MEMO1: variants seen among roughly 807,000 people sequenced by gnomAD.
MEMO1 encodes mediator of cell motility 1, also known as protein MEMO1.
A neutral mutation model predicts 45.2 loss-of-function variants in MEMO1; 6 were observed. The observed-to-expected ratio is 0.13, with a 90% CI of 0.07 to 0.26. The LOEUF (loss-of-function observed/expected upper bound fraction) is 0.26, where lower values mean the gene tolerates loss of function less well. MEMO1 is among the 10% of genes least tolerant of loss of function. The pLI is 1.00. For synonymous variants in MEMO1, 78 were observed against 124.3 expected (o/e 0.63, Z 2.48); for missense variants, 184 against 370.5 (o/e 0.50, Z 4.13).
chr2:31,903,276 C>T (rs1679136891), intron 6 of MEMO1, among the ~76,000 whole-genome samples: 1 of 152,104 alleles, frequency 6.6e-6, no homozygotes, highest in Non-Finnish European at 1.5e-5. Context: ...GAGAATTAAA[C>T]CAACTGTAAC....
chr2:31,922,741 C>A (rs913803027), intron 4 of MEMO1, among the ~76,000 whole-genome samples: 2 of 151,920 alleles, frequency 1.3e-5, no homozygotes, highest in African/African-American at 4.8e-5. Flanking sequence ...GTTTTCTGTT[C>A]CTACGGGAGT....
At chr2:32,005,902 A>G (rs1459040253) in intron 2 of MEMO1, among the ~76,000 whole-genome samples, 1 of 152,190 alleles carries the variant, frequency 6.6e-6, no homozygotes, top group Non-Finnish European at 1.5e-5. Flanking sequence ...CACATTGGGG[A>G]GGCAAAGCAC....
At chr2:31,931,032 A>T (rs1271378644) in intron 4 of MEMO1, among the ~76,000 whole-genome samples, 2 of 152,084 alleles carry the variant, frequency 1.3e-5, no homozygotes, top group Non-Finnish European at 2.9e-5. Context: ...TTAAGCATGT[A>T]TCAAGGAATA....
At chr2:31,869,710 C>T in intron 9 of MEMO1, 138 bp downstream of exon 9, 1 of 841,072 alleles carries the variant, frequency 1.2e-6, no homozygotes, top group Non-Finnish European at 1.7e-6. Context: ...CAATGGAACT[C>T]CAAATTATAT....
chr2:31,973,519 G>A (rs924957695), intron 2 of MEMO1, among the ~76,000 whole-genome samples: 3 of 152,052 alleles, frequency 2.0e-5, no homozygotes, highest in African/African-American at 7.2e-5. Context: ...CACAAATACT[G>A]ATGGCAGCAC....
At chr2:32,000,790 AT>A (rs71268324) in intron 2 of MEMO1, among the ~76,000 whole-genome samples, 3,525 of 145,418 alleles carry the variant, frequency 0.024, 62 homozygotes, top group Admixed American at 0.047. Flanking sequence ...CATACCACAT[AT>A]TTTTTTTTTT....
At chr2:31,964,984 C>T (rs1055899566) in intron 2 of MEMO1, among the ~76,000 whole-genome samples, 3 of 151,826 alleles carry the variant, frequency 2.0e-5, no homozygotes, top group Admixed American at 1.3e-4. Context: ...GAGGTTGAGG[C>T]GGGTGGATCA....
rs370773425 is a variant in MEMO1, at chr2:31,933,351, TTATATATATATATATATA to T, written c.144-1234_144-1217del. 1.8e-3 allele frequency among the ~76,000 whole-genome samples: 83 copies of T among 45,090 alleles called. 2 individuals are homozygous for T. In the East Asian group the frequency reaches 0.027, roughly 15 times the overall value. The allele number at this position is 45,090 out of a possible 152,430, so 29.6% of individuals were successfully genotyped here. ...AAAAAAAAAAAAAAAAAAAAAAAATTTATATATATATATATATATATATATATATATAGAAAGGGGAAG... is the reference window on the plus strand; with the variant it reads ...AAAAAAAAAAAAAAAAAAAAAAAATTTATATATATATATAGAAAGGGGAAG... On this transcript the variant is annotated intron_variant, in intron 3 of 9. Coordinates refer to ENST00000404530, the MANE Select transcript of MEMO1 (RefSeq NM_001301833.4).
intron 2 of MEMO1, among the ~76,000 whole-genome samples, chr2:31,949,027 G>C (rs1481670544): frequency 6.6e-6 from 1 of 152,158 alleles, no homozygotes; most frequent in African/African-American, 2.4e-5. Context: ...CATCACCGAT[G>C]ATCACAGAAT....
At position 31,888,376 on chromosome 2, in the gene MEMO1, G is replaced by A. The variant is rs531307112; in HGVS notation, c.580+3616C>T. Among the ~76,000 whole-genome samples the A allele has an allele frequency of 4.6e-5, 7 of 152,160 alleles. No homozygotes were observed. The South Asian group carries it at 6.2e-4, about 14-fold the overall frequency. ...GAAACTTCTTAGAAGTGAAAATTAC[G>A]TTAATGAAAGCTGCCAACAATCTAA... On this transcript the variant is annotated intron_variant, in intron 7 of 9. Coordinates refer to ENST00000404530, the MANE Select transcript of MEMO1 (RefSeq NM_001301833.4).
intron 3 of MEMO1, among the ~76,000 whole-genome samples, chr2:31,933,415 G>A (rs927356498): frequency 3.1e-5 from 4 of 128,964 alleles, no homozygotes; most frequent in Non-Finnish European, 6.3e-5. Flanking sequence ...AAGAGGTACA[G>A]GTACAGAAAG....
intron 2 of MEMO1, among the ~76,000 whole-genome samples, chr2:31,955,110 C>T (rs1036943439): frequency 2.0e-5 from 3 of 151,804 alleles, no homozygotes; most frequent in Admixed American, 6.6e-5. Context: ...GGTGTGGTGG[C>T]GCATGCCTGT....
intron 6 of MEMO1, among the ~76,000 whole-genome samples, chr2:31,916,191 A>G (rs912330882): frequency 2.4e-4 from 37 of 152,102 alleles, no homozygotes; most frequent in Non-Finnish European, 3.8e-4. Flanking sequence ...AACCTCCTTG[A>G]GGATATTGTT....
intron 7 of MEMO1, among the ~76,000 whole-genome samples, chr2:31,885,074 C>A (rs895097503): frequency 2.0e-5 from 3 of 152,038 alleles, no homozygotes; most frequent in African/African-American, 7.2e-5. Context: ...ATACTTCATA[C>A]ATAACAATGA....
At chr2:31,912,352 G>T (rs1466783120) in intron 6 of MEMO1, among the ~76,000 whole-genome samples, 2 of 151,168 alleles carry the variant, frequency 1.3e-5, no homozygotes, top group Non-Finnish European at 3.0e-5. Context: ...AGAAAAAAAA[G>T]AATTACAAAA....
intron 2 of MEMO1, among the ~76,000 whole-genome samples, chr2:31,981,634 T>C (rs1670648819): frequency 6.6e-6 from 1 of 152,202 alleles, no homozygotes; most frequent in African/African-American, 2.4e-5. Flanking sequence ...TTTTAGTTAA[T>C]ACAAGGGAAA....
At chr2:31,971,074 C>T (rs1669339033) in intron 2 of MEMO1, among the ~76,000 whole-genome samples, 1 of 152,086 alleles carries the variant, frequency 6.6e-6, no homozygotes, top group Non-Finnish European at 1.5e-5. Context: ...TCTCCAAAAG[C>T]CACCTTAATA....
chr2:31,923,626 T>G lies in MEMO1; in HGVS notation c.213-2716A>C, dbSNP rs547377761. The G allele has an allele frequency of 1.2e-4, 182 of 1,544,484 alleles. 1 individual carries two copies. In the South Asian group the frequency reaches 2.0e-3, roughly 17 times the overall value. On this transcript the variant is annotated intron_variant, in intron 4 of 9. Transcript: ENST00000404530. Reference sequence around the variant, plus strand: ...TTTAGGTAGCCTGACTAGGGCCAGGTAGTATATGAACCAAGAATCAAATAA... The same window carrying G: ...TTTAGGTAGCCTGACTAGGGCCAGGGAGTATATGAACCAAGAATCAAATAA...
chr2:31,929,619 A>C (rs1683646190), intron 4 of MEMO1, among the ~76,000 whole-genome samples: 1 of 152,172 alleles, frequency 6.6e-6, no homozygotes, highest in Non-Finnish European at 1.5e-5. Flanking sequence ...AATAATTTTT[A>C]CCTGTTATTT....
Sources: allele counts gnomAD v4.1 joint callset (sites outside exome capture counted in the v4.1 genomes callset), GRCh38; gene constraint gnomAD v4.1.1; transcripts MANE v1.5; gene names NCBI Gene and HGNC (gene_info 2026-07-23, HGNC 2026-07-21).